BMPER: variants seen among roughly 807,000 people sequenced by gnomAD.
The protein encoded by BMPER is BMP-binding endothelial regulator protein.
BMPER carries 45 observed loss-of-function variants against 87.3 expected under a neutral mutation model. That is an observed-to-expected ratio of 0.52 (90% confidence interval 0.41 to 0.66). The LOEUF (loss-of-function observed/expected upper bound fraction) is 0.66, where lower values mean the gene tolerates loss of function less well. Ranked by LOEUF, BMPER falls within the 30% of genes least tolerant of loss-of-function variation. The probability of loss-of-function intolerance (pLI) is 0.00; values close to 1 mark genes in which losing one functional copy is unlikely to be tolerated. For missense variants in BMPER, 784 were observed against 867.5 expected, an observed-to-expected ratio of 0.90 and a Z score of 1.21; for synonymous variants, 326 against 316.2, an observed-to-expected ratio of 1.03 and a Z score of -0.33.
intron 2 of BMPER, among the ~76,000 whole-genome samples, chr7:33,921,285 G>A (rs1784223635): frequency 6.6e-6 from 1 of 152,158 alleles, no homozygotes; most frequent in Admixed American, 6.5e-5. Flanking sequence ...CATAAGCTGG[G>A]GATAGTCCAA....
intron 13 of BMPER, among the ~76,000 whole-genome samples, chr7:34,122,313 C>T (rs909347477): frequency 6.6e-6 from 1 of 152,212 alleles, no homozygotes; most frequent in African/African-American, 2.4e-5. Context: ...TTCCGCAAAT[C>T]ATACTTTTAG....
chr7:33,990,055 C>T (rs889443444), intron 6 of BMPER, among the ~76,000 whole-genome samples: 25 of 151,848 alleles, frequency 1.6e-4, no homozygotes, highest in South Asian at 1.3e-3. Flanking sequence ...AGTGTGATGC[C>T]TCCAGCTTTG....
intron 6 of BMPER, among the ~76,000 whole-genome samples, chr7:34,005,264 G>A (rs1412634212): frequency 6.6e-6 from 1 of 151,978 alleles, no homozygotes; most frequent in Non-Finnish European, 1.5e-5. Context: ...TACTATGATT[G>A]TTAAGCTATT....
rs76061497 is a variant in BMPER at position 34,011,548 on chromosome 7, G to A, written c.577-34758G>A. Among the ~76,000 whole-genome samples, 585 of 108,806 alleles carry A rather than the reference G, an allele frequency of 5.4e-3. 7 individuals are homozygous for A. The highest frequency in any genetic ancestry group is 0.019 in the African/African-American group (533 of 28,004). The allele number at this position is 108,806 out of a possible 152,430, so 71.4% of individuals were successfully genotyped here. A position where few individuals can be genotyped will look rare whatever the true frequency, so the allele number is the denominator to read the frequency against. On this transcript the variant is annotated intron_variant, in intron 6 of 14. Transcript: ENST00000649409. ...AAAGGAAAACCTTTTAAACCAGAAT[G>A]TAAATAGGCCTTTGCTGCTTTCAGT... is the stretch of plus-strand genomic sequence containing the variant.
intron 13 of BMPER, among the ~76,000 whole-genome samples, chr7:34,129,610 AAGAGAGAGAGAG>A (rs1159641741): frequency 2.1e-3 from 148 of 69,594 alleles, no homozygotes; most frequent in African/African-American, 7.4e-3. Flanking sequence ...GAGAGAGAGA[AAGAGAGAGAGAG>A]AGAAAGAGAG....
intron 6 of BMPER, among the ~76,000 whole-genome samples, chr7:34,045,984 C>G (rs1269570711): frequency 6.6e-6 from 1 of 152,142 alleles, no homozygotes; most frequent in African/African-American, 2.4e-5. Context: ...AGTTTCCAAT[C>G]CCAAGCAAAC....
At position 33,911,376 on chromosome 7, in the gene BMPER, CCTT is replaced by C. The variant is rs570206174; in HGVS notation, c.219+4477_219+4479del. The stretch of plus-strand genomic sequence containing the variant: ...ACAGAACTGGGATGTGAAGTCAGTT[CCTT>C]CTTTGCTAAACCAGAGTTTCCCTCT... On this transcript the variant is annotated intron_variant, in intron 2 of 14. Coordinates refer to ENST00000649409, the MANE Select transcript of BMPER (RefSeq NM_001365308.1). Among the ~76,000 whole-genome samples, 14 of 152,318 alleles carry C rather than the reference CCTT, an allele frequency of 9.2e-5. 1 individual carries two copies. The East Asian group carries it at 2.7e-3, about 29-fold the overall frequency.
At chr7:33,995,032 A>G (rs1367038612) in intron 6 of BMPER, among the ~76,000 whole-genome samples, 1 of 152,192 alleles carries the variant, frequency 6.6e-6, no homozygotes, top group Non-Finnish European at 1.5e-5. Context: ...CTTAAAATTT[A>G]CTTTTGAATT....
chr7:33,911,748 A>G (rs1283284120), intron 2 of BMPER, among the ~76,000 whole-genome samples: 3 of 152,160 alleles, frequency 2.0e-5, no homozygotes, highest in Admixed American at 6.5e-5. Flanking sequence ...CAGAGTTGCT[A>G]TGTGAATTAA....
chr7:34,032,651 T>G (rs1787559739), intron 6 of BMPER, among the ~76,000 whole-genome samples: 1 of 152,186 alleles, frequency 6.6e-6, no homozygotes, highest in Non-Finnish European at 1.5e-5. Context: ...AAGAGAATCC[T>G]TTAATATTTT....
intron 13 of BMPER, among the ~76,000 whole-genome samples, 166 bp from the exon 14 acceptor site, chr7:34,143,064 A>G (rs1448247862): frequency 6.6e-6 from 1 of 152,210 alleles, no homozygotes; most frequent in East Asian, 1.9e-4. Context: ...GGTATCCAGC[A>G]CTTAAGTTCC....
intron 2 of BMPER, among the ~76,000 whole-genome samples, chr7:33,911,510 A>G (rs890470505): frequency 6.6e-5 from 10 of 152,226 alleles, no homozygotes; most frequent in Admixed American, 6.5e-4. Context: ...GGAGGCAGTT[A>G]TAGTGGTTTT....
intron 6 of BMPER, among the ~76,000 whole-genome samples, chr7:33,995,101 A>T (rs1786366631): frequency 6.6e-6 from 1 of 152,214 alleles, no homozygotes; most frequent in African/African-American, 2.4e-5. Context: ...ATGCAGTCAT[A>T]TACATTTTTA....
At chr7:33,931,996 G>A (rs571053495) in intron 2 of BMPER, among the ~76,000 whole-genome samples, 1 of 152,252 alleles carries the variant, frequency 6.6e-6, no homozygotes, top group South Asian at 2.1e-4. Flanking sequence ...GAGCTTGTAG[G>A]TTTCTGGAGA....
At chr7:34,035,691 A>G (rs1200926529) in intron 6 of BMPER, among the ~76,000 whole-genome samples, 1 of 152,164 alleles carries the variant, frequency 6.6e-6, no homozygotes, top group African/African-American at 2.4e-5. Flanking sequence ...CTGAAAACCA[A>G]ACACTTCTGA....
At chr7:34,024,372 AAAAAAAAAAACAATATATATATATAT>A (rs1787284779) in intron 6 of BMPER, among the ~76,000 whole-genome samples, 2 of 102,990 alleles carry the variant, frequency 1.9e-5, no homozygotes, top group African/African-American at 9.4e-5. Context: ...AAAAAAAAAA[AAAAAAAAAAACAATATATATATATAT>A]ATATATATAT....
chr7:34,099,083 G>A (rs781523037), intron 13 of BMPER, among the ~76,000 whole-genome samples: 1 of 152,028 alleles, frequency 6.6e-6, no homozygotes, highest in Non-Finnish European at 1.5e-5. Context: ...AAGGCCAGGA[G>A]TAAGAGCTTA....
chr7:33,969,105 A>G (rs1229616603), intron 4 of BMPER, among the ~76,000 whole-genome samples: 1 of 152,238 alleles, frequency 6.6e-6, no homozygotes, highest in Non-Finnish European at 1.5e-5. Flanking sequence ...ATATGAAAAC[A>G]TTAAGGATGT....
intron 13 of BMPER, among the ~76,000 whole-genome samples, chr7:34,125,859 G>A (rs1790388274): frequency 6.6e-6 from 1 of 152,160 alleles, no homozygotes; most frequent in South Asian, 2.1e-4. Flanking sequence ...GTGAAAACAT[G>A]GATCATTCTT....
Sources: allele counts gnomAD v4.1 joint callset (sites outside exome capture counted in the v4.1 genomes callset), GRCh38; gene constraint gnomAD v4.1.1; transcripts MANE v1.5; gene names NCBI Gene and HGNC (gene_info 2026-07-23, HGNC 2026-07-21).